Variants in SLC9A5 observed in about 807,000 individuals in gnomAD.
SLC9A5 encodes sodium/hydrogen exchanger 5.
SLC9A5 carries 52 observed loss-of-function variants against 91.7 expected under a neutral mutation model. The ratio of observed to expected loss-of-function variants is 0.57; its 90% confidence interval spans 0.45 to 0.71. The LOEUF (loss-of-function observed/expected upper bound fraction) is 0.71. SLC9A5 is among the 30% of genes least tolerant of loss of function. SLC9A5 has a pLI of 0.00. For missense variants in SLC9A5, 871 were observed against 1,158.9 expected (o/e 0.75, Z 3.61); for synonymous variants, 419 against 474.5 (o/e 0.88, Z 1.52).
In SLC9A5 at chr16:67,272,002, T is replaced by C. The variant is rs547537372; in HGVS notation, c.*792T>C. On this transcript the variant is annotated 3_prime_UTR_variant, in exon 16 of 16. Transcript: ENST00000299798. ...GGACATAGTGGCCTCTGGGCTGCCA[T>C]GTCACCACCTGAACATTCCCCAAAC... 1 of 152,320 alleles carries C rather than the reference T, an allele frequency of 6.6e-6. No individual in the cohort carries two copies. The highest frequency in any genetic ancestry group is 2.1e-4 in the South Asian group (1 of 4,822). The allele number at this position is 152,320 out of a possible 1,614,324, so 9.4% of individuals were successfully genotyped here.
At chr16:67,268,136 C>T (rs1042088698) in intron 15 of SLC9A5, among the ~76,000 whole-genome samples, 5 of 151,244 alleles carry the variant, frequency 3.3e-5, no homozygotes, top group African/African-American at 4.9e-5. Flanking sequence ...CTTAGCCTCC[C>T]GAGTAGCTGG....
At chr16:67,254,553 C>T (rs866046031) in intron 2 of SLC9A5, among the ~76,000 whole-genome samples, 19 of 152,160 alleles carry the variant, frequency 1.2e-4, no homozygotes, top group African/African-American at 3.4e-4. Flanking sequence ...TGCACCACTG[C>T]GCCTGGCTAC....
In SLC9A5 at chr16:67,271,114, G is replaced by A. The variant is rs775986235; in HGVS notation, c.2595G>A (p.Leu865=). ...CTGACCTCCCCCAGCAGCAGGAGCT[G>A]CAGCCCCTCATGGGCCACAAGGACC... ...SSADLPQQQE[L]QPLMGHKDHT... is the part of the protein sequence containing the mutation. Residue 865 remains leucine, a synonymous_variant, in exon 16 of 16, where the codon CTG becomes CTA. Transcript: ENST00000299798. 1.9e-5 allele frequency: 31 copies of A among 1,613,662 alleles called. No homozygotes were observed. In the South Asian group the frequency reaches 3.3e-4, roughly 17 times the overall value.
At chr16:67,261,596 C>T (rs983490842) in intron 12 of SLC9A5, 7 of 152,126 alleles carry the variant, frequency 4.6e-5, no homozygotes, top group Non-Finnish European at 8.8e-5. Context: ...ATCTTTTCCC[C>T]GCTGGATGTT....
intron 1 of SLC9A5, among the ~76,000 whole-genome samples, chr16:67,249,799 A>T (rs2142332320): frequency 6.6e-6 from 1 of 152,308 alleles, no homozygotes; most frequent in South Asian, 2.1e-4. Context: ...ACTTCAGGGT[A>T]TAAGAAACTT....
intron 1 of SLC9A5, 48 bp downstream of exon 1, chr16:67,249,249 G>A (rs1353857133): frequency 2.2e-6 from 3 of 1,335,132 alleles, no homozygotes; most frequent in Non-Finnish European, 1.9e-6. Flanking sequence ...CGGCGGACCC[G>A]CCCCCAACAC....
chr16:67,263,123 G>T (rs2035584935), intron 12 of SLC9A5: 1 of 150,208 alleles, frequency 6.7e-6, no homozygotes. Flanking sequence ...GGAGGAATAG[G>T]AGGCAGCAGG....
chr16:67,257,412 T>G lies in SLC9A5; in HGVS notation c.1403T>G (p.Leu468Arg). The G allele has an allele frequency of 6.2e-7, 1 of 1,614,204 alleles. No homozygotes were observed. The highest frequency in any genetic ancestry group is 8.5e-7 in the Non-Finnish European group (1 of 1,180,000). The change falls in exon 8 of 16, where the codon CTG (leucine) becomes CGG (arginine). Residue 468 changes from leucine to arginine, a missense_variant. This residue lies in a region of SLC9A5 where 454 missense variants were observed against 718.3 expected (regional missense o/e 0.63). Coordinates refer to ENST00000299798, the MANE Select transcript of SLC9A5 (RefSeq NM_004594.3). This position sits in a 1 kb window ranked among gnomAD's most constrained non-coding sequence, Gnocchi z 5.1. Reference protein sequence around the residue: ...VKRSEHHKPTLNQELHEHTFD... With the variant: ...VKRSEHHKPTRNQELHEHTFD... ...AGGAGTGAGCATCACAAACCCACCC[T>G]GAACCAGGAGCTGCATGAACACGTG...
Position 67,270,665 on chromosome 16 carries a change from T to C in SLC9A5, c.2219-73T>C. The C allele has an allele frequency of 9.1e-7, 1 of 1,097,542 alleles. No homozygotes were observed. The highest frequency in any genetic ancestry group is 2.6e-5 in the East Asian group (1 of 38,218). The allele number at this position is 1,097,542 out of a possible 1,614,324, so 68.0% of individuals were successfully genotyped here. On this transcript the variant is annotated intron_variant, in intron 15 of 15. Transcript: ENST00000299798. The surrounding 1 kb of genome is among the most constrained non-coding windows in gnomAD (Gnocchi z 4.3). The stretch of plus-strand genomic sequence containing the variant: ...CGGCATATGGAAACTGTGGCATGAA[T>C]TTATAAGAATGTGCTTATACTTGAG...
Position 67,257,107 on chromosome 16 carries a change from C to A in SLC9A5, c.1329C>A (p.Ile443=). The A allele has an allele frequency of 6.2e-7, 1 of 1,608,816 alleles. No homozygotes were observed. Among genetic ancestry groups the A allele is most frequent in the Non-Finnish European group, 8.5e-7 (1 of 1,179,322 alleles). ...TTGTAGTGGTCTTCTTCACAGTCAT[C>A]GTGCAGGTGGGAGTGCCCACAAGGC... ...TTIVVVFFTV[I]VQGLTIKPLV... The change falls in exon 7 of 16, where the codon ATC becomes ATA. Residue 443 remains isoleucine, a synonymous_variant. Transcript: ENST00000299798. This position sits in a 1 kb window ranked among gnomAD's most constrained non-coding sequence, Gnocchi z 5.1.
chr16:67,271,040 T>A lies in SLC9A5; in HGVS notation c.2521T>A (p.Phe841Ile), dbSNP rs765635589. Reference protein sequence around the residue: ...LPSDPRSSFAFPPSLAKAGRS... With the variant: ...LPSDPRSSFAIPPSLAKAGRS... The stretch of plus-strand genomic sequence containing the variant: ...TTCTGATCCACGCTCTAGCTTCGCC[T>A]TCCCACCGAGCCTGGCCAAGGCTGG... The change falls in exon 16 of 16, where the codon TTC (phenylalanine) becomes ATC (isoleucine). Residue 841 changes from phenylalanine (F) to isoleucine (I), a missense_variant. Physicochemically the swap from Phe to Ile is conservative, Grantham distance 21. Transcript: ENST00000299798. The A allele has an allele frequency of 6.2e-7, 1 of 1,612,596 alleles. No homozygotes were observed. The highest frequency in any genetic ancestry group is 2.2e-5 in the East Asian group (1 of 44,844).
chr16:67,252,690 G>A lies in SLC9A5; in HGVS notation c.336G>A (p.Leu112=), dbSNP rs2035174727. The A allele has an allele frequency of 1.2e-6, 2 of 1,614,182 alleles. No individual in the cohort carries two copies. The highest frequency in any genetic ancestry group is 4.5e-5 in the East Asian group (2 of 44,876). The stretch of plus-strand genomic sequence containing the variant: ...CAGGCACCTTCTTCCTCTTCCTGCT[G>A]CCTCCTATTGTGTTGGACTCAGGCT... The part of the protein sequence containing the change: ...LEPGTFFLFL[L]PPIVLDSGYF... The change falls in exon 2 of 16, where the codon CTG becomes CTA. Residue 112 remains leucine (L), a synonymous_variant. Transcript: ENST00000299798. This position sits in a 1 kb window ranked among gnomAD's most constrained non-coding sequence, Gnocchi z 4.0.
chr16:67,249,248 C>A (rs369748789), intron 1 of SLC9A5, 47 bp downstream of exon 1: 428 of 1,335,946 alleles, frequency 3.2e-4, no homozygotes, highest in Non-Finnish European at 4.0e-4. Flanking sequence ...GCGGCGGACC[C>A]GCCCCCAACA....
chr16:67,253,640 A>G (rs999783845), intron 2 of SLC9A5, among the ~76,000 whole-genome samples: 5 of 152,158 alleles, frequency 3.3e-5, no homozygotes, highest in Non-Finnish European at 7.3e-5. Flanking sequence ...CTCCTGTCTT[A>G]GCCTCCTGAG....
At chr16:67,253,870 G>T (rs2035218128) in intron 2 of SLC9A5, among the ~76,000 whole-genome samples, 2 of 152,128 alleles carry the variant, frequency 1.3e-5, no homozygotes, top group East Asian at 1.9e-4. Context: ...GCCCTCTCTT[G>T]CTACCTTCTT....
rs1567412420 is a variant in SLC9A5, at chr16:67,258,800, C to T, written c.1626+353C>T. ...GTGGCTCACGCCTGTAATCCCAGCA[C>T]TGTGGGAGCCTGAGGTGGGTAGATC... On this transcript the variant is annotated intron_variant, in intron 10 of 15. Coordinates refer to ENST00000299798, the MANE Select transcript of SLC9A5 (RefSeq NM_004594.3). This position sits in a 1 kb window ranked among gnomAD's most constrained non-coding sequence, Gnocchi z 4.5. Among the ~76,000 whole-genome samples, 1 of 152,158 alleles carries T rather than the reference C, an allele frequency of 6.6e-6. No homozygotes were observed. Among genetic ancestry groups the T allele is most frequent in the Non-Finnish European group, 1.5e-5 (1 of 68,028 alleles).
At position 67,268,667 on chromosome 16, in the gene SLC9A5, T is replaced by TAC. The variant is rs2035806013; in HGVS notation, c.2219-2070_2219-2069insCA. Among the ~76,000 whole-genome samples the TAC allele has an allele frequency of 6.8e-5, 2 of 29,520 alleles. 1 individual carries two copies. The highest frequency in any genetic ancestry group is 1.2e-4 in the Non-Finnish European group (2 of 16,792). 19.4% of individuals were successfully genotyped at this position (29,520 alleles called of 152,430 possible). On this transcript the variant is annotated intron_variant, in intron 15 of 15. Coordinates refer to ENST00000299798, the MANE Select transcript of SLC9A5 (RefSeq NM_004594.3). ...GTTCAAATTTCCCTGATTATATATA[T>TAC]ATATATATATATATATATATATATA...
intron 12 of SLC9A5, chr16:67,263,454 T>C (rs1050327973): frequency 6.7e-5 from 10 of 149,498 alleles, no homozygotes; most frequent in Non-Finnish European, 1.1e-4. Context: ...AGAGGCAGTC[T>C]AGGTGAGTGT....
In SLC9A5 at chr16:67,271,270, T is replaced by C. The variant is rs901057169; in HGVS notation, c.*60T>C. On this transcript the variant is annotated 3_prime_UTR_variant, in exon 16 of 16. Coordinates refer to ENST00000299798, the MANE Select transcript of SLC9A5 (RefSeq NM_004594.3). The stretch of plus-strand genomic sequence containing the variant: ...CCTGTGGGAAGTGCTCCCTGGGTGA[T>C]GGGTAGAGCCCTCGAAACTTGACAT... 4.9e-6 allele frequency: 7 copies of C among 1,438,492 alleles called. No homozygotes were observed. The African/African-American group carries it at 8.4e-5, about 17-fold the overall frequency. 89.1% of individuals were successfully genotyped at this position (1,438,492 alleles called of 1,614,324 possible). A position where few individuals can be genotyped will look rare whatever the true frequency, so the allele number is the denominator to read the frequency against.
Sources: gnomAD v4.1 joint callset for allele counts (sites outside exome capture counted in the v4.1 genomes callset) on GRCh38, gnomAD v4.1.1 for gene constraint, gnomAD v4.1.1 regional missense constraint, Gnocchi (gnomAD v3.1) non-coding constraint, MANE v1.5 for transcripts, NCBI Gene and HGNC (gene_info 2026-07-23, HGNC 2026-07-21) for gene names.